Variants in VWA3B observed in about 807,000 individuals in gnomAD.
VWA3B encodes von Willebrand factor A domain-containing protein 3B.
VWA3B carries 138 observed loss-of-function variants against 158.3 expected under a neutral mutation model. That is an observed-to-expected ratio of 0.87 (90% CI 0.76 to 1.00). The LOEUF is 1.00. VWA3B is among the 50% of genes least tolerant of loss of function. The pLI is 0.00. For synonymous variants in VWA3B, 596 were observed against 587.3 expected (o/e 1.01, Z -0.21); for missense variants, 1,555 against 1,565.1 (o/e 0.99, Z 0.11).
At chr2:98,103,671 A>G (rs1311941647) in intron 2 of VWA3B, among the ~76,000 whole-genome samples, 3 of 152,224 alleles carry the variant, frequency 2.0e-5, no homozygotes, top group Non-Finnish European at 4.4e-5. Context: ...GAAATTTACT[A>G]AGATTTATTT....
At chr2:98,101,131 C>A (rs552537317) in intron 2 of VWA3B, among the ~76,000 whole-genome samples, 1 of 152,272 alleles carries the variant, frequency 6.6e-6, no homozygotes, top group Non-Finnish European at 1.5e-5. Context: ...AAAACAATAG[C>A]TGTGTGAAGT....
At chr2:98,279,247 T>C (rs1191730296) in intron 22 of VWA3B, among the ~76,000 whole-genome samples, 3 of 152,208 alleles carry the variant, frequency 2.0e-5, no homozygotes, top group Non-Finnish European at 4.4e-5. Context: ...AGAAGTCTTC[T>C]GTCTCATGTC....
chr2:98,268,900 A>G (rs1226362152), intron 21 of VWA3B, among the ~76,000 whole-genome samples: 2 of 152,060 alleles, frequency 1.3e-5, no homozygotes, highest in African/African-American at 4.8e-5. Context: ...ACCTTCCTAT[A>G]TTATGCATGC....
chr2:98,268,220 A>G lies in VWA3B; in HGVS notation c.2844-2462A>G, dbSNP rs545030804. 2.4e-4 allele frequency among the ~76,000 whole-genome samples: 37 copies of G among 151,606 alleles called. No homozygotes were observed. In the East Asian group the frequency reaches 6.2e-3, roughly 25 times the overall value. On this transcript the variant is annotated intron_variant, in intron 21 of 27. Coordinates refer to ENST00000477737, the MANE Select transcript of VWA3B (RefSeq NM_144992.5). The stretch of plus-strand genomic sequence containing the variant: ...CCAGCATCATTCTGATACCAAAGCC[A>G]GGCAGAGACACAACAAAAAAAGAGA...
chr2:98,104,573 G>A (rs1683306822), intron 2 of VWA3B, among the ~76,000 whole-genome samples: 1 of 152,100 alleles, frequency 6.6e-6, no homozygotes, highest in Non-Finnish European at 1.5e-5. Context: ...CCAACATTGG[G>A]GATCAAATTT....
chr2:98,177,792 C>T (rs112066267), intron 8 of VWA3B, among the ~76,000 whole-genome samples: 3 of 151,994 alleles, frequency 2.0e-5, no homozygotes, highest in Non-Finnish European at 2.9e-5. Flanking sequence ...AAAACCCTTG[C>T]GAGGATTGGT....
the VWA3B span, among the ~76,000 whole-genome samples, chr2:98,325,686 C>T: frequency 2.2e-4 from 33 of 152,204 alleles, 1 homozygote; most frequent in African/African-American, 7.2e-4. Flanking sequence ...ATACACATGG[C>T]GACATGGCAA....
At chr2:98,229,942 A>T (rs12712252) in intron 15 of VWA3B, 108 bp from the exon 16 acceptor site, 1,066,061 of 1,233,194 alleles carry the variant, frequency 0.86, 461,939 homozygotes, top group East Asian at 0.96. Context: ...CTTACTTTTT[A>T]AAGTTTGCAG....
At chr2:98,261,038 A>G (rs953106465) in intron 21 of VWA3B, among the ~76,000 whole-genome samples, 1 of 151,854 alleles carries the variant, frequency 6.6e-6, no homozygotes, top group African/African-American at 2.4e-5. Flanking sequence ...GTGATTACCA[A>G]TAATGAAGAA....
At chr2:98,163,646 C>T (rs1370370652) in intron 8 of VWA3B, among the ~76,000 whole-genome samples, 1 of 152,156 alleles carries the variant, frequency 6.6e-6, no homozygotes, top group Non-Finnish European at 1.5e-5. Context: ...ATTCTGAGTA[C>T]AACATGGACA....
intron 21 of VWA3B, among the ~76,000 whole-genome samples, chr2:98,267,717 CA>C (rs1163655716): frequency 5.9e-5 from 9 of 151,794 alleles, no homozygotes; most frequent in Non-Finnish European, 1.0e-4. Flanking sequence ...AATAGAGACA[CA>C]AAAAACCCTT....
chr2:98,183,246 A>G (rs1430353919), intron 9 of VWA3B, among the ~76,000 whole-genome samples: 1 of 83,232 alleles, frequency 1.2e-5, no homozygotes, highest in Non-Finnish European at 2.4e-5. Flanking sequence ...TTTTATTTTT[A>G]GTCTTTGGGA....
intron 2 of VWA3B, among the ~76,000 whole-genome samples, chr2:98,110,475 A>G (rs1457852168): frequency 1.3e-5 from 2 of 152,068 alleles, no homozygotes; most frequent in African/African-American, 4.8e-5. Context: ...TTGTTAGGTC[A>G]TTCTATGACA....
intron 7 of VWA3B, among the ~76,000 whole-genome samples, chr2:98,156,231 A>T (rs1309516305): frequency 6.6e-6 from 1 of 152,178 alleles, no homozygotes; most frequent in African/African-American, 2.4e-5. Flanking sequence ...TAAATGAGTG[A>T]ATGATGATTC....
At chr2:98,243,465 C>T (rs1343318409) in intron 19 of VWA3B, among the ~76,000 whole-genome samples, 1 of 151,984 alleles carries the variant, frequency 6.6e-6, no homozygotes, top group Non-Finnish European at 1.5e-5. Flanking sequence ...TCCCGAGTAG[C>T]TGTGATTACA....
chr2:98,096,297 C>T (rs1020529740), intron 2 of VWA3B, among the ~76,000 whole-genome samples: 2 of 150,842 alleles, frequency 1.3e-5, no homozygotes, highest in African/African-American at 4.9e-5. Context: ...AAGATGGAGT[C>T]TTGCTTTGTT....
At chr2:98,231,076 G>A (rs1480887313) in intron 16 of VWA3B, among the ~76,000 whole-genome samples, 2 of 152,160 alleles carry the variant, frequency 1.3e-5, no homozygotes, top group Non-Finnish European at 2.9e-5. Flanking sequence ...AACATGTAAC[G>A]AAGTATGTGC....
chr2:98,270,747 G>T lies in VWA3B; in HGVS notation c.2909G>T (p.Arg970Leu). ...NKTVLNQALE[R>L]LNWPISLKEL... ...ACAGTTTTAAACCAGGCTTTAGAAC[G>T]GTTGAATTGGCCCATTTCACTGAAA... is the stretch of plus-strand genomic sequence containing the variant. Residue 970 changes from arginine to leucine, a missense_variant, in exon 22 of 28, where the codon CGG (arginine) becomes CTG (leucine). Transcript: ENST00000477737. The T allele has an allele frequency of 6.2e-7, 1 of 1,614,092 alleles. No individual in the cohort carries two copies. The highest frequency in any genetic ancestry group is 1.7e-5 in the Admixed American group (1 of 60,012).
chr2:98,233,793 C>T (rs1685493071), intron 16 of VWA3B, among the ~76,000 whole-genome samples: 2 of 152,222 alleles, frequency 1.3e-5, no homozygotes, highest in South Asian at 4.1e-4. Context: ...AACACAGACA[C>T]ATTTCATTCA....
Sources: allele counts gnomAD v4.1 joint callset (sites outside exome capture counted in the v4.1 genomes callset), GRCh38; gene constraint gnomAD v4.1.1; transcripts MANE v1.5; gene names NCBI Gene and HGNC (gene_info 2026-07-23, HGNC 2026-07-21).